BMERB1: variants seen among roughly 807,000 people sequenced by gnomAD.
BMERB1 encodes the protein bMERB domain containing 1.
In BMERB1, 12 loss-of-function variants were observed where a neutral mutation model predicts 23.6. The ratio of observed to expected loss-of-function variants is 0.51; its 90% CI spans 0.33 to 0.82. The LOEUF is 0.82. Among genes scored for constraint, BMERB1 ranks in the 40% least tolerant of loss-of-function variants. The probability of loss-of-function intolerance (pLI) is 0.03; values close to 1 mark genes in which losing one functional copy is unlikely to be tolerated. For synonymous variants in BMERB1, 122 were observed against 96.6 expected, an observed-to-expected ratio of 1.26 and a Z score of -1.54; for missense variants, 247 against 255.4, an observed-to-expected ratio of 0.97 and a Z score of 0.22.
intron 2 of BMERB1, among the ~76,000 whole-genome samples, chr16:15,517,695 A>G (rs140076701): frequency 5.3e-5 from 8 of 151,638 alleles, no homozygotes; most frequent in African/African-American, 1.5e-4. Flanking sequence ...TGCAGGAACA[A>G]TGGTTACCAC....
At chr16:15,551,726 T>G (rs910588988) in intron 2 of BMERB1, among the ~76,000 whole-genome samples, 2 of 152,142 alleles carry the variant, frequency 1.3e-5, no homozygotes, top group Admixed American at 6.6e-5. Flanking sequence ...GAAAGAAGTT[T>G]AATTGACTCA....
In BMERB1 at chr16:15,587,401, G is replaced by A. The variant is rs1054001157; in HGVS notation, c.*572G>A. The A allele has an allele frequency of 4.5e-5, 13 of 286,026 alleles. No homozygotes were observed. The highest frequency in any genetic ancestry group is 8.8e-5 in the Non-Finnish European group (12 of 136,042). The allele number at this position is 286,026 out of a possible 1,614,324, so 17.7% of individuals were successfully genotyped here. On this transcript the variant is annotated 3_prime_UTR_variant, in exon 6 of 6. Transcript: ENST00000300006. ...CCCAGAGGGCCCATCTGTAAAGATCGAGCTTGTGTGTGGTGTCGTGGTCAC... is the reference window on the plus strand; with the variant it reads ...CCCAGAGGGCCCATCTGTAAAGATCAAGCTTGTGTGTGGTGTCGTGGTCAC...
chr16:15,565,403 C>G (rs1439624131), intron 2 of BMERB1, among the ~76,000 whole-genome samples: 1 of 152,224 alleles, frequency 6.6e-6, no homozygotes, highest in Non-Finnish European at 1.5e-5. Context: ...ACATCCCTTA[C>G]CTGCTTCAGT....
chr16:15,473,065 G>C (rs2051243625), intron 1 of BMERB1, among the ~76,000 whole-genome samples: 1 of 152,010 alleles, frequency 6.6e-6, no homozygotes. Context: ...TCGCCATGTT[G>C]GCCAGGCTGG....
At chr16:15,580,764 C>T (rs933859513) in intron 3 of BMERB1, among the ~76,000 whole-genome samples, 1 of 151,620 alleles carries the variant, frequency 6.6e-6, no homozygotes, top group Non-Finnish European at 1.5e-5. Context: ...CCAGGATGGT[C>T]TCGATCTCCT....
chr16:15,437,716 T>G lies in BMERB1; in HGVS notation c.106+2957T>G, dbSNP rs564565942. 2.6e-5 allele frequency among the ~76,000 whole-genome samples: 4 copies of G among 152,270 alleles called. No homozygotes were observed. In the East Asian group the frequency reaches 7.8e-4, roughly 30 times the overall value. ...GCTCACGCCTGCAATCCCAGCACTT[T>G]GGGAGGCCGAGGCGGGCGGATCACA... On this transcript the variant is annotated intron_variant, in intron 1 of 5. Coordinates refer to ENST00000300006, the MANE Select transcript of BMERB1 (RefSeq NM_033201.3).
At chr16:15,444,141 T>G (rs1156965880) in intron 1 of BMERB1, among the ~76,000 whole-genome samples, 1 of 128,602 alleles carries the variant, frequency 7.8e-6, no homozygotes. Flanking sequence ...TTTTTTTTTT[T>G]TTTTTTTTTG....
intron 2 of BMERB1, among the ~76,000 whole-genome samples, chr16:15,546,058 G>A (rs535058836): frequency 2.0e-5 from 3 of 152,246 alleles, no homozygotes; most frequent in African/African-American, 7.2e-5. Flanking sequence ...AAGCCGAGAT[G>A]GGAGGATTGC....
chr16:15,499,798 G>T (rs1056770463), intron 1 of BMERB1, among the ~76,000 whole-genome samples: 3 of 152,180 alleles, frequency 2.0e-5, no homozygotes, highest in African/African-American at 7.2e-5. Flanking sequence ...GCCTCTTGCG[G>T]GAAGATGTCG....
At chr16:15,508,007 C>A (rs910449086) in intron 1 of BMERB1, among the ~76,000 whole-genome samples, 3 of 152,154 alleles carry the variant, frequency 2.0e-5, no homozygotes, top group Non-Finnish European at 4.4e-5. Flanking sequence ...ATGGTACTTA[C>A]GTAGGGAGGT....
chr16:15,563,454 C>T (rs923368553), intron 2 of BMERB1, among the ~76,000 whole-genome samples: 6 of 152,098 alleles, frequency 3.9e-5, no homozygotes, highest in Non-Finnish European at 7.4e-5. Flanking sequence ...CTCCTGACCT[C>T]GTGATCTGCC....
chr16:15,503,689 C>G (rs567225924), intron 1 of BMERB1, among the ~76,000 whole-genome samples: 1 of 152,260 alleles, frequency 6.6e-6, no homozygotes, highest in East Asian at 1.9e-4. Flanking sequence ...TTCATCCCTA[C>G]AGCAGCAACT....
chr16:15,550,059 C>T (rs2030040509), intron 2 of BMERB1, among the ~76,000 whole-genome samples: 2 of 151,932 alleles, frequency 1.3e-5, no homozygotes, highest in South Asian at 2.1e-4. Flanking sequence ...ACGCCATGCT[C>T]CTGCCTCAGC....
chr16:15,555,714 G>A (rs918486287), intron 2 of BMERB1, among the ~76,000 whole-genome samples: 2 of 152,202 alleles, frequency 1.3e-5, no homozygotes, highest in South Asian at 2.1e-4. Context: ...GCACCTCTCC[G>A]GTCCCTTGGT....
intron 1 of BMERB1, among the ~76,000 whole-genome samples, chr16:15,456,378 C>A (rs956424861): frequency 6.6e-6 from 1 of 151,506 alleles, no homozygotes; most frequent in South Asian, 2.1e-4. Context: ...GTTCTGTCAC[C>A]CAGGCTGGAG....
intron 3 of BMERB1, among the ~76,000 whole-genome samples, chr16:15,571,216 C>T (rs2150973305): frequency 6.6e-6 from 1 of 152,210 alleles, no homozygotes; most frequent in East Asian, 1.9e-4. Context: ...TATAGATGTA[C>T]AGATGTTGCT....
chr16:15,574,232 C>G lies in BMERB1; in HGVS notation c.304+6176C>G, dbSNP rs529009264. Reference sequence around the variant, plus strand: ...CCATCAGATCTCATGGGAACTCGCTCACTATCACGAGAACAGCATGGGGAA... The same window carrying G: ...CCATCAGATCTCATGGGAACTCGCTGACTATCACGAGAACAGCATGGGGAA... On this transcript the variant is annotated intron_variant, in intron 3 of 5. Coordinates refer to ENST00000300006, the MANE Select transcript of BMERB1 (RefSeq NM_033201.3). 5.3e-5 allele frequency among the ~76,000 whole-genome samples: 8 copies of G among 152,276 alleles called. No homozygotes were observed. In the East Asian group the frequency reaches 1.2e-3, roughly 22 times the overall value.
At chr16:15,465,824 A>G (rs1365892796) in intron 1 of BMERB1, among the ~76,000 whole-genome samples, 1 of 152,258 alleles carries the variant, frequency 6.6e-6, no homozygotes, top group African/African-American at 2.4e-5. Context: ...AGTCATAAAC[A>G]ATCTGTGATA....
intron 5 of BMERB1, among the ~76,000 whole-genome samples, chr16:15,584,451 G>C (rs1331675047): frequency 3.3e-5 from 5 of 151,748 alleles, no homozygotes; most frequent in Non-Finnish European, 7.4e-5. Flanking sequence ...CCAGCTACTC[G>C]GGAAGCTGAG....
Sources: allele counts gnomAD v4.1 joint callset (sites outside exome capture counted in the v4.1 genomes callset), GRCh38; gene constraint gnomAD v4.1.1; transcripts MANE v1.5; gene names NCBI Gene and HGNC (gene_info 2026-07-23, HGNC 2026-07-21).